ATF7IP2: variants seen among roughly 807,000 people sequenced by gnomAD.
The protein encoded by ATF7IP2 is activating transcription factor 7-interacting protein 2.
A neutral mutation model predicts 64.2 loss-of-function variants in ATF7IP2; 42 were observed. That is an observed-to-expected ratio of 0.65 (90% confidence interval 0.51 to 0.85). The LOEUF (loss-of-function observed/expected upper bound fraction) is 0.85. ATF7IP2 is among the 40% of genes least tolerant of loss of function. The pLI is 0.00. For missense variants in ATF7IP2, 933 were observed against 784.2 expected (o/e 1.19, Z -2.27); for synonymous variants, 308 against 272.8 (o/e 1.13, Z -1.27).
At chr16:10,387,972 G>A (rs1371269888) in intron 1 of ATF7IP2, among the ~76,000 whole-genome samples, 3 of 151,916 alleles carry the variant, frequency 2.0e-5, no homozygotes, top group African/African-American at 7.3e-5. Flanking sequence ...GCGCGATCTC[G>A]GCTCACTGCA....
intron 3 of ATF7IP2, among the ~76,000 whole-genome samples, 160 bp downstream of exon 3, chr16:10,419,783 A>C (rs1203468127): frequency 6.6e-6 from 1 of 152,154 alleles, no homozygotes; most frequent in African/African-American, 2.4e-5. Flanking sequence ...GTGGCACCCA[A>C]ATTGGCTGTT....
Position 10,458,147 on chromosome 16 carries a change from A to G in ATF7IP2, c.1352+618A>G, listed in dbSNP as rs370762533. On this transcript the variant is annotated intron_variant, in intron 9 of 13. Transcript: ENST00000562102. ...GGAGGCTCTAAAGCAAAGGAGAAGC[A>G]TTACAGATCTAAACCATTTATGTTT... 2.2e-4 allele frequency among the ~76,000 whole-genome samples: 34 copies of G among 152,382 alleles called. No individual in the cohort carries two copies. The East Asian group carries it at 4.6e-3, about 21-fold the overall frequency.
At chr16:10,468,002 C>T (rs2049644518) in intron 9 of ATF7IP2, among the ~76,000 whole-genome samples, 1 of 151,538 alleles carries the variant, frequency 6.6e-6, no homozygotes, top group African/African-American at 2.4e-5. Flanking sequence ...GCCTCAGCCT[C>T]CCGAGTAGCT....
intron 10 of ATF7IP2, among the ~76,000 whole-genome samples, chr16:10,472,816 A>G (rs1027854039): frequency 1.3e-5 from 2 of 150,270 alleles, no homozygotes; most frequent in Non-Finnish European, 2.9e-5. Flanking sequence ...AGATCGTGCT[A>G]CTGCACTCCA....
chr16:10,442,140 G>C (rs1394775771), intron 8 of ATF7IP2, among the ~76,000 whole-genome samples: 1 of 152,206 alleles, frequency 6.6e-6, no homozygotes. Context: ...ACAACTTAAA[G>C]TAAGGTGGTG....
At chr16:10,391,918 G>A (rs1325135920) in intron 1 of ATF7IP2, among the ~76,000 whole-genome samples, 1 of 151,214 alleles carries the variant, frequency 6.6e-6, no homozygotes, top group African/African-American at 2.4e-5. Context: ...GAAAAGGAGG[G>A]ACAGCACTAC....
chr16:10,458,911 C>T (rs1368961627), intron 9 of ATF7IP2, among the ~76,000 whole-genome samples: 2 of 152,204 alleles, frequency 1.3e-5, no homozygotes, highest in African/African-American at 4.8e-5. Flanking sequence ...TGTGGCTGGG[C>T]GCGGTGGCTC....
chr16:10,471,895 T>C (rs1485150383), intron 9 of ATF7IP2: 1 of 356,750 alleles, frequency 2.8e-6, no homozygotes, highest in African/African-American at 2.1e-5. Context: ...AGGGATCTAA[T>C]TATTGGATTT....
chr16:10,458,542 C>T (rs969033132), intron 9 of ATF7IP2, among the ~76,000 whole-genome samples: 1 of 152,226 alleles, frequency 6.6e-6, no homozygotes, highest in African/African-American at 2.4e-5. Flanking sequence ...TAAGGCAGCA[C>T]TCTCAGCCCA....
chr16:10,473,084 C>T (rs1213254526), intron 10 of ATF7IP2, among the ~76,000 whole-genome samples: 1 of 152,096 alleles, frequency 6.6e-6, no homozygotes, highest in African/African-American at 2.4e-5. Context: ...CAGAGAATTA[C>T]AAAGGATGTT....
chr16:10,431,990 A>ATTT lies in ATF7IP2; in HGVS notation c.835+553_835+555dup, dbSNP rs34029007. ...AGATGGGCACCACTACGCCCGGCTAATTTTTTTTTTTTTTTTTTTTGTATT... is the reference window on the plus strand; with the variant it reads ...AGATGGGCACCACTACGCCCGGCTAATTTTTTTTTTTTTTTTTTTTTTTGTATT... On this transcript the variant is annotated intron_variant, in intron 5 of 13. Coordinates refer to ENST00000562102, the MANE Select transcript of ATF7IP2 (RefSeq NM_001393719.1). 6.1e-4 allele frequency among the ~76,000 whole-genome samples: 68 copies of ATTT among 111,578 alleles called. 3 individuals carry two copies. Among genetic ancestry groups the ATTT allele is most frequent in the African/African-American group, 1.7e-3 (46 of 27,874 alleles). The allele number at this position is 111,578 out of a possible 152,430, so 73.2% of individuals were successfully genotyped here. A position where few individuals can be genotyped will look rare whatever the true frequency, so the allele number is the denominator to read the frequency against.
intron 1 of ATF7IP2, among the ~76,000 whole-genome samples, chr16:10,392,545 A>G (rs1342018681): frequency 6.6e-6 from 1 of 152,126 alleles, no homozygotes; most frequent in Non-Finnish European, 1.5e-5. Context: ...TCTAATATTT[A>G]AGGAAAAATA....
chr16:10,473,059 G>C (rs74007103), intron 10 of ATF7IP2, among the ~76,000 whole-genome samples: 134 of 152,136 alleles, frequency 8.8e-4, no homozygotes, highest in Non-Finnish European at 1.5e-3. Context: ...CACAATTTGG[G>C]CTAAGATTGT....
At chr16:10,389,749 A>G (rs1013810647) in intron 1 of ATF7IP2, among the ~76,000 whole-genome samples, 3 of 152,260 alleles carry the variant, frequency 2.0e-5, no homozygotes, top group African/African-American at 7.2e-5. Flanking sequence ...TGAGCATTTT[A>G]TACTATTACA....
intron 8 of ATF7IP2, among the ~76,000 whole-genome samples, chr16:10,455,048 G>C (rs1453829736): frequency 6.6e-6 from 1 of 152,160 alleles, no homozygotes; most frequent in African/African-American, 2.4e-5. Context: ...TGTCATGTTT[G>C]AGTTAATTGT....
chr16:10,439,914 A>C (rs1027590593), intron 7 of ATF7IP2, among the ~76,000 whole-genome samples: 6 of 151,694 alleles, frequency 4.0e-5, no homozygotes, highest in African/African-American at 1.5e-4. Context: ...CTGTAATCCC[A>C]GCACTTTGGG....
chr16:10,449,679 A>T (rs1303327457), intron 8 of ATF7IP2: 5 of 151,892 alleles, frequency 3.3e-5, no homozygotes, highest in Non-Finnish European at 5.9e-5. Flanking sequence ...TATTGTGTCT[A>T]TTTGATTCTT....
intron 6 of ATF7IP2, among the ~76,000 whole-genome samples, chr16:10,434,697 A>G (rs1386019670): frequency 6.6e-6 from 1 of 152,328 alleles, no homozygotes; most frequent in East Asian, 1.9e-4. Context: ...TATGGTAAGC[A>G]TGGATCCTAG....
chr16:10,455,509 G>T (rs1456690586), intron 8 of ATF7IP2, among the ~76,000 whole-genome samples: 1 of 152,200 alleles, frequency 6.6e-6, no homozygotes, highest in Non-Finnish European at 1.5e-5. Flanking sequence ...ATTTGTTAAG[G>T]TAACTTCAGG....
Sources: allele counts gnomAD v4.1 joint callset (sites outside exome capture counted in the v4.1 genomes callset), GRCh38; gene constraint gnomAD v4.1.1; transcripts MANE v1.5; gene names NCBI Gene and HGNC (gene_info 2026-07-23, HGNC 2026-07-21).